The following PLPPR4 variants were observed in gnomAD, a reference collection of about 807,000 sequenced individuals.
PLPPR4 encodes the protein phospholipid phosphatase related 4.
PLPPR4 carries 24 observed loss-of-function variants against 56.6 expected under a neutral mutation model. That is an observed-to-expected ratio of 0.42 (90% CI 0.31 to 0.60). The LOEUF is 0.60. Ranked by LOEUF, PLPPR4 falls within the 20% of genes least tolerant of loss-of-function variation. The pLI is 0.13. For synonymous variants in PLPPR4, 326 were observed against 328.1 expected (o/e 0.99, Z 0.07); for missense variants, 654 against 885.8 (o/e 0.74, Z 3.32).
At chr1:99,264,304 G>A (rs1658831747), upstream of PLPPR4, 6 of 667,544 alleles carry the variant, frequency 9.0e-6, no homozygotes, top group Admixed American at 3.1e-5. Context: ...AGCCATTGCA[G>A]CAACAGCTTG....
At chr1:99,265,148 C>CG (rs1029694521) in intron 1 of PLPPR4, among the ~76,000 whole-genome samples, 23 of 107,126 alleles carry the variant, frequency 2.1e-4, no homozygotes, top group African/African-American at 9.8e-4. Flanking sequence ...GCTCCTGCCC[C>CG]CCCCCCCCAA....
chr1:99,284,203 CTGT>C (rs1659408904), intron 1 of PLPPR4, among the ~76,000 whole-genome samples: 2 of 152,246 alleles, frequency 1.3e-5, no homozygotes, highest in South Asian at 4.1e-4. Context: ...CAAAAAAAAT[CTGT>C]TGTTGAGCAT....
chr1:99,306,935 A>G lies in PLPPR4; in HGVS notation c.2073A>G (p.Glu691=), dbSNP rs780650692. The G allele has an allele frequency of 2.5e-6, 4 of 1,613,886 alleles. No individual in the cohort carries two copies. Among genetic ancestry groups the G allele is most frequent in the Non-Finnish European group, 2.5e-6 (3 of 1,179,998 alleles). Reference sequence around the variant, plus strand: ...AGGGCAATATCATTCTAATCCCTGAAAGAAGCAACAGCCCCGAAAACACTA... The same window carrying G: ...AGGGCAATATCATTCTAATCCCTGAGAGAAGCAACAGCCCCGAAAACACTA... The part of the protein sequence containing the change: ...RRKGNIILIP[E]RSNSPENTRN... Residue 691 remains glutamate, a synonymous_variant, in exon 7 of 7, where the codon GAA becomes GAG. Transcript: ENST00000370185. The surrounding 1 kb of genome is among the most constrained non-coding windows in gnomAD (Gnocchi z 4.0).
Position 99,296,797 on chromosome 1 carries a change from A to G in PLPPR4, c.324A>G (p.Gly108=). The G allele has an allele frequency of 1.2e-6, 2 of 1,606,042 alleles. No individual in the cohort carries two copies. Among genetic ancestry groups the G allele is most frequent in the Non-Finnish European group, 1.7e-6 (2 of 1,174,376 alleles). The change falls in exon 3 of 7, where the codon GGA becomes GGG. Residue 108 remains glycine (G), a synonymous_variant. Coordinates refer to ENST00000370185, the MANE Select transcript of PLPPR4 (RefSeq NM_014839.5). ...CCLSKRRNGV[G]LEPNINAGGC... ...TCTCCAAAAGAAGAAATGGGGTCGGACTAGAGCCCAACATTAATGCTGGAG... is the reference window on the plus strand; with the variant it reads ...TCTCCAAAAGAAGAAATGGGGTCGGGCTAGAGCCCAACATTAATGCTGGAG...
At chr1:99,288,286 T>A in intron 2 of PLPPR4, 136 bp downstream of exon 2, 1 of 688,484 alleles carries the variant, frequency 1.5e-6, no homozygotes, top group Admixed American at 3.3e-5. Flanking sequence ...TGAGATATAT[T>A]GACAGTATCA....
Position 99,306,208 on chromosome 1 carries a change from C to A in PLPPR4, c.1346C>A (p.Pro449His). The change falls in exon 7 of 7, where the codon CCT (proline) becomes CAT (histidine). Residue 449 changes from proline (P) to histidine (H), a missense_variant. By Grantham distance (77) the Pro-to-His change is moderately conservative. This residue lies in a region of PLPPR4 where 468 missense variants were observed against 554.3 expected (regional missense o/e 0.84). Transcript: ENST00000370185. This position sits in a 1 kb window ranked among gnomAD's most constrained non-coding sequence, Gnocchi z 4.0. ...GGGGTGAATGGAGACCACCATGGTC[C>A]TGGCAATCAGTACCTCAAAATCCAG... ...RVGVNGDHHG[P>H]GNQYLKIQPG... is the part of the protein sequence containing the mutation. 1 of 1,614,100 alleles carries A rather than the reference C, an allele frequency of 6.2e-7. No homozygotes were observed. Among genetic ancestry groups the A allele is most frequent in the South Asian group, 1.1e-5 (1 of 91,066 alleles).
rs370842121 is a variant in PLPPR4 at position 99,305,992 on chromosome 1, T to C, written c.1130T>C (p.Val377Ala). ...NTLPRANTPS[V>A]EDPVRRNASI... The stretch of plus-strand genomic sequence containing the variant: ...TTGCCGCGAGCCAATACCCCATCTG[T>C]AGAAGACCCTGTCAGAAGAAATGCG... The change falls in exon 7 of 7, where the codon GTA (valine) becomes GCA (alanine). Residue 377 changes from valine to alanine, a missense_variant. Coordinates refer to ENST00000370185, the MANE Select transcript of PLPPR4 (RefSeq NM_014839.5). The C allele has an allele frequency of 2.5e-5, 41 of 1,614,068 alleles. No individual in the cohort carries two copies. The highest frequency in any genetic ancestry group is 4.5e-5 in the East Asian group (2 of 44,898).
At chr1:99,298,786 G>C in intron 3 of PLPPR4, 2 of 613,670 alleles carry the variant, frequency 3.3e-6, no homozygotes, top group Non-Finnish European at 5.7e-6. Flanking sequence ...TTAATGTTAA[G>C]AATTGGCACT....
intron 1 of PLPPR4, among the ~76,000 whole-genome samples, chr1:99,270,463 T>C (rs1347244464): frequency 6.6e-6 from 1 of 152,238 alleles, no homozygotes; most frequent in Non-Finnish European, 1.5e-5. Flanking sequence ...TGCTACTCTG[T>C]TGCCATCCTA....
At position 99,296,088 on chromosome 1, in the gene PLPPR4, C is replaced by T. The variant is rs547243372; in HGVS notation, c.265-650C>T. On this transcript the variant is annotated intron_variant, in intron 2 of 6. Coordinates refer to ENST00000370185, the MANE Select transcript of PLPPR4 (RefSeq NM_014839.5). ...TTATCTTAAGAGAGTCCTCTTGATACTACTGTATGACATTGTGAATACATT... is the reference window on the plus strand; with the variant it reads ...TTATCTTAAGAGAGTCCTCTTGATATTACTGTATGACATTGTGAATACATT... Among the ~76,000 whole-genome samples the T allele has an allele frequency of 2.6e-5, 4 of 152,264 alleles. No homozygotes were observed. In the South Asian group the frequency reaches 8.3e-4, roughly 32 times the overall value.
At chr1:99,294,172 C>T (rs905072975) in intron 2 of PLPPR4, among the ~76,000 whole-genome samples, 3 of 151,364 alleles carry the variant, frequency 2.0e-5, no homozygotes, top group Non-Finnish European at 4.4e-5. Flanking sequence ...CCTGAGGAGA[C>T]CTATCTTTAT....
chr1:99,277,202 G>A (rs1279434994), intron 1 of PLPPR4, among the ~76,000 whole-genome samples: 1 of 152,074 alleles, frequency 6.6e-6, no homozygotes, highest in African/African-American at 2.4e-5. Context: ...TTGTTTTCAG[G>A]ATCATACTGA....
intron 1 of PLPPR4, among the ~76,000 whole-genome samples, chr1:99,287,438 C>G (rs1191712636): frequency 2.6e-5 from 4 of 152,150 alleles, no homozygotes; most frequent in African/African-American, 9.7e-5. Flanking sequence ...AATGGTATTT[C>G]TGGTTCTAGA....
At chr1:99,271,483 T>G (rs1659058641) in intron 1 of PLPPR4, among the ~76,000 whole-genome samples, 1 of 152,212 alleles carries the variant, frequency 6.6e-6, no homozygotes, top group Admixed American at 6.5e-5. Context: ...CTTGGCTAGC[T>G]TCATGGTATC....
chr1:99,271,491 A>C (rs893660639), intron 1 of PLPPR4, among the ~76,000 whole-genome samples: 1 of 152,196 alleles, frequency 6.6e-6, no homozygotes, highest in African/African-American at 2.4e-5. Flanking sequence ...GCTTCATGGT[A>C]TCTGGATGCA....
At chr1:99,298,896 C>T in intron 3 of PLPPR4, 139 bp from the exon 4 acceptor site, 1 of 734,954 alleles carries the variant, frequency 1.4e-6, no homozygotes, top group South Asian at 1.5e-5. Context: ...TAGGAATTTT[C>T]TATACTGTCT....
At chr1:99,285,173 C>G (rs184792935) in intron 1 of PLPPR4, among the ~76,000 whole-genome samples, 1 of 152,186 alleles carries the variant, frequency 6.6e-6, no homozygotes, top group East Asian at 1.9e-4. Flanking sequence ...CAAAATCCAC[C>G]TCTGTCACTT....
At chr1:99,274,256 C>T (rs542820153) in intron 1 of PLPPR4, among the ~76,000 whole-genome samples, 1 of 151,916 alleles carries the variant, frequency 6.6e-6, no homozygotes, top group Non-Finnish European at 1.5e-5. Flanking sequence ...TTTCTCTAAG[C>T]CTCATTTTTC....
chr1:99,279,309 A>G (rs193243588), intron 1 of PLPPR4, among the ~76,000 whole-genome samples: 108 of 152,348 alleles, frequency 7.1e-4, no homozygotes, highest in Admixed American at 7.1e-3. Flanking sequence ...CACTAAAAGC[A>G]GGAAAACATG....
Sources: gnomAD v4.1 joint callset for allele counts (sites outside exome capture counted in the v4.1 genomes callset) on GRCh38, gnomAD v4.1.1 for gene constraint, gnomAD v4.1.1 regional missense constraint, Gnocchi (gnomAD v3.1) non-coding constraint, MANE v1.5 for transcripts, NCBI Gene and HGNC (gene_info 2026-07-23, HGNC 2026-07-21) for gene names.